The following SCAMP2 variants were observed in gnomAD, a reference collection of about 807,000 sequenced individuals.
SCAMP2 encodes secretory carrier-associated membrane protein 2.
In SCAMP2, 25 loss-of-function variants were observed where a neutral mutation model predicts 44.1. The ratio of observed to expected loss-of-function variants is 0.57; its 90% CI spans 0.41 to 0.79. The LOEUF is 0.79. SCAMP2 is among the 30% of genes least tolerant of loss of function. SCAMP2 has a pLI of 0.00. For synonymous variants in SCAMP2, 156 were observed against 166.0 expected, an observed-to-expected ratio of 0.94 and a Z score of 0.46; for missense variants, 355 against 411.0, an observed-to-expected ratio of 0.86 and a Z score of 1.18.
chr15:74,853,812 G>A, intron 3 of SCAMP2: 1 of 588,282 alleles, frequency 1.7e-6, no homozygotes, highest in Non-Finnish European at 3.0e-6. Context: ...TCTCAGTGGT[G>A]GTGGTGGGTG....
intron 1 of SCAMP2, 86 bp downstream of exon 1, chr15:74,873,113 C>G (rs2064588305): frequency 2.5e-6 from 3 of 1,201,270 alleles, no homozygotes; most frequent in African/African-American, 1.6e-5. Context: ...TCCTACGCCA[C>G]GTCTCCCGGC....
intron 7 of SCAMP2, among the ~76,000 whole-genome samples, chr15:74,846,015 G>A (rs1188771260): frequency 6.6e-6 from 1 of 152,006 alleles, no homozygotes; most frequent in Non-Finnish European, 1.5e-5. Flanking sequence ...AAAAGGCCAG[G>A]TTCGTGCCTG....
At chr15:74,865,313 A>G (rs1322146921) in intron 1 of SCAMP2, among the ~76,000 whole-genome samples, 1 of 150,668 alleles carries the variant, frequency 6.6e-6, no homozygotes, top group East Asian at 2.0e-4. Flanking sequence ...CCCAGGGGGC[A>G]GAGGTTGCAG....
chr15:74,863,277 G>A (rs536997218), intron 1 of SCAMP2, among the ~76,000 whole-genome samples: 4 of 151,786 alleles, frequency 2.6e-5, no homozygotes, highest in Admixed American at 6.6e-5. Context: ...CCTGGGAGGC[G>A]GGGAGATTGC....
chr15:74,851,487 T>A lies in SCAMP2; in HGVS notation c.344-6A>T. 5 of 1,613,550 alleles carry A rather than the reference T, an allele frequency of 3.1e-6. No individual in the cohort carries two copies. The highest frequency in any genetic ancestry group is 4.2e-6 in the Non-Finnish European group (5 of 1,179,680). Reference sequence around the variant, plus strand: ...GGGCCAGTTGTTCTGTCTCACTGGGTAGGGCAAAAAGAGTGACGAGGTAAG... The same window carrying A: ...GGGCCAGTTGTTCTGTCTCACTGGGAAGGGCAAAAAGAGTGACGAGGTAAG... On this transcript the variant is annotated splice_polypyrimidine_tract_variant and splice_region_variant and intron_variant, in intron 4 of 8. Coordinates refer to ENST00000268099, the MANE Select transcript of SCAMP2 (RefSeq NM_005697.5).
Position 74,848,597 on chromosome 15 carries a change from C to T in SCAMP2, c.734+3G>A, listed in dbSNP as rs368496206. The T allele has an allele frequency of 6.3e-7, 1 of 1,579,364 alleles. No homozygotes were observed. The highest frequency in any genetic ancestry group is 1.3e-5 in the African/African-American group (1 of 74,290). ...AATTCCCTCTGTGATGCCCAGGTCTCACCTGTCCCCCAGGCCAGGGATGCC... is the reference window on the plus strand; with the variant it reads ...AATTCCCTCTGTGATGCCCAGGTCTTACCTGTCCCCCAGGCCAGGGATGCC... On this transcript the variant is annotated splice_donor_region_variant and intron_variant, in intron 7 of 8. Coordinates refer to ENST00000268099, the MANE Select transcript of SCAMP2 (RefSeq NM_005697.5).
At chr15:74,851,713 C>G (rs1257560873) in intron 4 of SCAMP2, among the ~76,000 whole-genome samples, 1 of 152,178 alleles carries the variant, frequency 6.6e-6, no homozygotes, top group Non-Finnish European at 1.5e-5. Context: ...CTGGGAAATA[C>G]AGACAGCTAA....
chr15:74,868,077 G>C (rs781249984), intron 1 of SCAMP2, among the ~76,000 whole-genome samples: 1 of 152,216 alleles, frequency 6.6e-6, no homozygotes, highest in Non-Finnish European at 1.5e-5. Context: ...TTCCAAAGCA[G>C]AGACCGAAAT....
Position 74,845,228 on chromosome 15 carries a change from G to A in SCAMP2, c.856-11C>T, listed in dbSNP as rs1299466447. 3.1e-6 allele frequency: 5 copies of A among 1,610,902 alleles called. No homozygotes were observed. The highest frequency in any genetic ancestry group is 1.9e-4 in the Middle Eastern group (1 of 5,166). ...GTAGAGGGAGTGCACCTGGCGAAGA[G>A]GGGTGGGGTGAGAGAAGCCTGTCCT... is the stretch of plus-strand genomic sequence containing the variant. On this transcript the variant is annotated splice_polypyrimidine_tract_variant and intron_variant, in intron 8 of 8. Coordinates refer to ENST00000268099, the MANE Select transcript of SCAMP2 (RefSeq NM_005697.5).
At position 74,868,001 on chromosome 15, in the gene SCAMP2, C is replaced by T. The variant is rs539770907; in HGVS notation, c.57+5198G>A. ...TGGACAGTACAATGACTCCCTTTAG[C>T]TTTCCACCCCTTCATCACCTGACAA... is the stretch of plus-strand genomic sequence containing the variant. On this transcript the variant is annotated intron_variant, in intron 1 of 8. Transcript: ENST00000268099. Among the ~76,000 whole-genome samples the T allele has an allele frequency of 1.7e-4, 26 of 152,318 alleles. No individual in the cohort carries two copies. In the South Asian group the frequency reaches 5.0e-3, roughly 29 times the overall value.
Position 74,844,936 on chromosome 15 carries a change from G to T in SCAMP2, c.*147C>A. ...CCCTGTCCCTCCCGTTCCAGGGAGAGCTGGTCGCTGAGGGAGGAGGAAGAG... is the reference window on the plus strand; with the variant it reads ...CCCTGTCCCTCCCGTTCCAGGGAGATCTGGTCGCTGAGGGAGGAGGAAGAG... On this transcript the variant is annotated 3_prime_UTR_variant, in exon 9 of 9. Transcript: ENST00000268099. The T allele has an allele frequency of 1.2e-6, 1 of 863,258 alleles. No individual in the cohort carries two copies. Among genetic ancestry groups the T allele is most frequent in the Non-Finnish European group, 1.8e-6 (1 of 560,398 alleles). The allele number at this position is 863,258 out of a possible 1,614,324, so 53.5% of individuals were successfully genotyped here.
chr15:74,843,824 T>C lies in SCAMP2; in HGVS notation c.*1259A>G, dbSNP rs1406048651. On this transcript the variant is annotated 3_prime_UTR_variant, in exon 9 of 9. Coordinates refer to ENST00000268099, the MANE Select transcript of SCAMP2 (RefSeq NM_005697.5). The stretch of plus-strand genomic sequence containing the variant: ...AGGGGAAAAAATACCAGAAAGGAGT[T>C]CATAAAACCCCAGCCGCTGCCAGTA... 6.6e-6 allele frequency: 1 copy of C among 152,096 alleles called. No homozygotes were observed. Among genetic ancestry groups the C allele is most frequent in the Non-Finnish European group, 1.5e-5 (1 of 68,020 alleles). 9.4% of individuals were successfully genotyped at this position (152,096 alleles called of 1,614,324 possible).
Position 74,854,112 on chromosome 15 carries a change from G to A in SCAMP2, c.134C>T (p.Ala45Val). Residue 45 changes from alanine to valine, a missense_variant, in exon 3 of 9, where the codon GCA becomes GTA. Physicochemically the swap from Ala to Val is moderately conservative, Grantham distance 64. Transcript: ENST00000268099. The part of the protein sequence containing the change: ...AEFNPFSETN[A>V]ATTVPVTQLP... ...TTGGGTGACAGGAACTGTTGTCGCT[G>A]CATTTGTCTACATGGAACAAATCAA... 6.2e-7 allele frequency: 1 copy of A among 1,613,826 alleles called. No homozygotes were observed. The highest frequency in any genetic ancestry group is 8.5e-7 in the Non-Finnish European group (1 of 1,179,672).
intron 6 of SCAMP2, among the ~76,000 whole-genome samples, chr15:74,849,758 A>G (rs2064422976): frequency 6.6e-6 from 1 of 152,238 alleles, no homozygotes; most frequent in African/African-American, 2.4e-5. Flanking sequence ...CAAAAACAAT[A>G]GAACTTGAGG....
Position 74,854,115 on chromosome 15 carries a change from T to C in SCAMP2, c.131A>G (p.Asn44Ser). Reference protein sequence around the residue: ...LAEFNPFSETNAATTVPVTQL... With the variant: ...LAEFNPFSETSAATTVPVTQL... ...GGTGACAGGAACTGTTGTCGCTGCA[T>C]TTGTCTACATGGAACAAATCAAAAG... The change falls in exon 3 of 9, where the codon AAT (asparagine) becomes AGT (serine). Residue 44 changes from asparagine (N) to serine (S), a missense_variant. Physicochemically the swap from Asn to Ser is conservative, Grantham distance 46 (BLOSUM62 1). Coordinates refer to ENST00000268099, the MANE Select transcript of SCAMP2 (RefSeq NM_005697.5). 1.2e-6 allele frequency: 2 copies of C among 1,613,846 alleles called. No homozygotes were observed. The highest frequency in any genetic ancestry group is 1.7e-6 in the Non-Finnish European group (2 of 1,179,684).
intron 1 of SCAMP2, among the ~76,000 whole-genome samples, chr15:74,861,664 C>A (rs568905354): frequency 1.3e-5 from 2 of 152,098 alleles, no homozygotes; most frequent in African/African-American, 4.8e-5. Context: ...TTTGGGAGGC[C>A]AAGGTGGGCA....
In SCAMP2 at chr15:74,845,300, G is replaced by A. The variant is rs919337601; in HGVS notation, c.856-83C>T. The A allele has an allele frequency of 3.8e-6, 6 of 1,587,114 alleles. No individual in the cohort carries two copies. The African/African-American group carries it at 8.1e-5, about 21-fold the overall frequency. ...CCATCCAGGTTATACTCCCAAAGGG[G>A]TCACCAGAAGCCTGGCACTGCCTGA... On this transcript the variant is annotated intron_variant, in intron 8 of 8. Transcript: ENST00000268099.
At chr15:74,864,065 T>C (rs2064526189) in intron 1 of SCAMP2, among the ~76,000 whole-genome samples, 1 of 152,116 alleles carries the variant, frequency 6.6e-6, no homozygotes, top group African/African-American at 2.4e-5. Flanking sequence ...TTATTTTATA[T>C]ATGTATATAT....
Position 74,844,938 on chromosome 15 carries a change from TG to T in SCAMP2, c.*144del. The T allele has an allele frequency of 2.3e-6, 2 of 878,798 alleles. No homozygotes were observed. The highest frequency in any genetic ancestry group is 3.5e-6 in the Non-Finnish European group (2 of 574,468). The allele number at this position is 878,798 out of a possible 1,614,324, so 54.4% of individuals were successfully genotyped here. On this transcript the variant is annotated 3_prime_UTR_variant, in exon 9 of 9. Coordinates refer to ENST00000268099, the MANE Select transcript of SCAMP2 (RefSeq NM_005697.5). Reference sequence around the variant, plus strand: ...CTGTCCCTCCCGTTCCAGGGAGAGCTGGTCGCTGAGGGAGGAGGAAGAGCCA... The same window carrying T: ...CTGTCCCTCCCGTTCCAGGGAGAGCTGTCGCTGAGGGAGGAGGAAGAGCCA...
Sources: gnomAD v4.1 joint callset for allele counts (sites outside exome capture counted in the v4.1 genomes callset) on GRCh38, gnomAD v4.1.1 for gene constraint, MANE v1.5 for transcripts, NCBI Gene and HGNC (gene_info 2026-07-23, HGNC 2026-07-21) for gene names.